The following NEK11 variants were observed in gnomAD, a reference collection of about 807,000 sequenced individuals.
NEK11 encodes serine/threonine-protein kinase Nek11.
In NEK11, 72 loss-of-function variants were observed where a neutral mutation model predicts 80.7. The ratio of observed to expected loss-of-function variants is 0.89; its 90% CI spans 0.74 to 1.08. NEK11 has a LOEUF of 1.08. Ranked by LOEUF, NEK11 falls within the 50% of genes least tolerant of loss-of-function variation. The pLI, the probability that NEK11 is intolerant of heterozygous loss-of-function variation, is 0.00. For missense variants in NEK11, 764 were observed against 763.6 expected (o/e 1.00, Z -0.01); for synonymous variants, 251 against 260.7 (o/e 0.96, Z 0.36).
intron 4 of NEK11, among the ~76,000 whole-genome samples, chr3:131,090,465 A>G (rs2076563824): frequency 6.6e-6 from 1 of 152,236 alleles, no homozygotes; most frequent in Admixed American, 6.5e-5. Flanking sequence ...CATGAAAGTT[A>G]TTTTAGCAAT....
chr3:131,181,363 G>A (rs554362819), intron 14 of NEK11, among the ~76,000 whole-genome samples: 23 of 152,288 alleles, frequency 1.5e-4, no homozygotes, highest in Admixed American at 9.8e-4. Flanking sequence ...CTTCCTCCTT[G>A]GATCCCCCAG....
chr3:131,320,585 A>G (rs1432662608), intron 17 of NEK11, among the ~76,000 whole-genome samples: 2 of 152,122 alleles, frequency 1.3e-5, no homozygotes, highest in South Asian at 2.1e-4. Context: ...CTCCTTCTAC[A>G]GTACCTTTAC....
chr3:131,249,001 G>A (rs2095652630), intron 16 of NEK11, among the ~76,000 whole-genome samples: 1 of 151,358 alleles, frequency 6.6e-6, no homozygotes, highest in African/African-American at 2.4e-5. Flanking sequence ...TTCCTTTCTA[G>A]GCTGGGTGTT....
chr3:131,123,562 C>T (rs1177268289), intron 5 of NEK11, among the ~76,000 whole-genome samples: 1 of 152,172 alleles, frequency 6.6e-6, no homozygotes, highest in Non-Finnish European at 1.5e-5. Context: ...CTAATTACTT[C>T]TCATAACTGC....
At chr3:131,086,913 C>G (rs1359439145) in intron 4 of NEK11, among the ~76,000 whole-genome samples, 2 of 152,100 alleles carry the variant, frequency 1.3e-5, no homozygotes, top group African/African-American at 4.8e-5. Context: ...TAGACTTTGG[C>G]ATCTCCTATT....
At chr3:131,062,998 A>C (rs1277785143) in intron 3 of NEK11, among the ~76,000 whole-genome samples, 1 of 152,234 alleles carries the variant, frequency 6.6e-6, no homozygotes, top group Non-Finnish European at 1.5e-5. Flanking sequence ...AGAGAATCTT[A>C]GGTATGAATG....
chr3:131,298,277 T>C (rs1236317886), intron 17 of NEK11, among the ~76,000 whole-genome samples: 1 of 152,210 alleles, frequency 6.6e-6, no homozygotes, highest in East Asian at 1.9e-4. Flanking sequence ...TTTCACGATA[T>C]TGATTCTTCC....
At chr3:131,243,518 T>A in intron 16 of NEK11, 22 bp downstream of exon 16, 1 of 1,585,306 alleles carries the variant, frequency 6.3e-7, no homozygotes, top group Non-Finnish European at 8.7e-7. Context: ...CCTTTAGGCT[T>A]CAAAATACAT....
intron 14 of NEK11, among the ~76,000 whole-genome samples, chr3:131,182,046 C>A (rs1481583494): frequency 1.3e-5 from 2 of 151,000 alleles, no homozygotes; most frequent in African/African-American, 4.9e-5. Context: ...TTAAGGGCCA[C>A]CTCAGTACCA....
At chr3:131,042,998 C>T (rs999033111) in intron 3 of NEK11, among the ~76,000 whole-genome samples, 1 of 152,136 alleles carries the variant, frequency 6.6e-6, no homozygotes. Context: ...CCAGAAAATA[C>T]CAGCAGACCT....
At chr3:131,170,718 G>T in intron 13 of NEK11, 55 bp from the exon 14 acceptor site, 5 of 1,023,302 alleles carry the variant, frequency 4.9e-6, no homozygotes, top group Middle Eastern at 4.1e-4. Flanking sequence ...TTCATTTGTG[G>T]TAGTGCTGTT....
intron 17 of NEK11, among the ~76,000 whole-genome samples, chr3:131,284,835 C>T (rs144621568): frequency 2.0e-5 from 3 of 152,286 alleles, no homozygotes; most frequent in East Asian, 3.9e-4. Flanking sequence ...CTCAAGCCTT[C>T]GGCCACAGAC....
chr3:131,041,551 C>G (rs1280328471), intron 3 of NEK11, among the ~76,000 whole-genome samples: 1 of 151,700 alleles, frequency 6.6e-6, no homozygotes, highest in African/African-American at 2.4e-5. Flanking sequence ...TATATACTCA[C>G]GTATATATAT....
intron 17 of NEK11, among the ~76,000 whole-genome samples, chr3:131,317,761 CAAG>C (rs1315817692): frequency 2.5e-5 from 1 of 40,104 alleles, no homozygotes; most frequent in East Asian, 6.5e-4. Flanking sequence ...TACCCCCACC[CAAG>C]AAGAAGGAGA....
chr3:131,253,381 GAGAA>G (rs569793606), intron 16 of NEK11, among the ~76,000 whole-genome samples: 215 of 152,200 alleles, frequency 1.4e-3, no homozygotes, highest in African/African-American at 4.9e-3. Flanking sequence ...GCAGAATTAG[GAGAA>G]AGAAAGAGGG....
chr3:131,113,666 A>T (rs1051724248), intron 5 of NEK11, among the ~76,000 whole-genome samples: 1 of 152,134 alleles, frequency 6.6e-6, no homozygotes, highest in Non-Finnish European at 1.5e-5. Flanking sequence ...TAATCCCAGC[A>T]CTTTGGGAGG....
At position 131,228,508 on chromosome 3, in the gene NEK11, CTGTT is replaced by C. The variant is rs775460041; in HGVS notation, c.1400-15_1400-12del. ...AATTTTAATAACTGGTAGTATCTGACTGTTTGTTCATTATTTCAGAGATCCCAGA... is the reference window on the plus strand; with the variant it reads ...AATTTTAATAACTGGTAGTATCTGACTGTTCATTATTTCAGAGATCCCAGA... On this transcript the variant is annotated splice_polypyrimidine_tract_variant and intron_variant, in intron 14 of 17. Coordinates refer to ENST00000383366, the MANE Select transcript of NEK11 (RefSeq NM_024800.5). 82 of 1,587,750 alleles carry C rather than the reference CTGTT, an allele frequency of 5.2e-5. No homozygotes were observed. Among genetic ancestry groups the C allele is most frequent in the South Asian group, 4.2e-4 (36 of 85,964 alleles).
At chr3:131,265,127 G>C (rs1052571838) in intron 16 of NEK11, among the ~76,000 whole-genome samples, 1 of 152,080 alleles carries the variant, frequency 6.6e-6, no homozygotes, top group Non-Finnish European at 1.5e-5. Context: ...GAGACGAGGG[G>C]GTTTTCTAAA....
chr3:131,171,324 A>G (rs1179347527), intron 14 of NEK11, among the ~76,000 whole-genome samples: 2 of 152,254 alleles, frequency 1.3e-5, no homozygotes, highest in Non-Finnish European at 2.9e-5. Context: ...AAAAGTGCTC[A>G]GAGCAGGAAT....
Sources: allele counts gnomAD v4.1 joint callset (sites outside exome capture counted in the v4.1 genomes callset), GRCh38; gene constraint gnomAD v4.1.1; transcripts MANE v1.5; gene names NCBI Gene and HGNC (gene_info 2026-07-23, HGNC 2026-07-21).